Variants in DCAF4 observed in about 807,000 individuals in gnomAD.
DCAF4 encodes the protein DDB1 and CUL4 associated factor 4, also known as DDB1- and CUL4-associated factor 4.
In DCAF4, 37 loss-of-function variants were observed where a neutral mutation model predicts 60.9. That is an observed-to-expected ratio of 0.61 (90% CI 0.47 to 0.80). The LOEUF (loss-of-function observed/expected upper bound fraction) is 0.80. Ranked by LOEUF, DCAF4 falls within the 30% of genes least tolerant of loss-of-function variation. The pLI is 0.00. For missense variants in DCAF4, 577 were observed against 650.0 expected, an observed-to-expected ratio of 0.89 and a Z score of 1.22; for synonymous variants, 243 against 254.8, an observed-to-expected ratio of 0.95 and a Z score of 0.44.
intron 8 of DCAF4, among the ~76,000 whole-genome samples, chr14:72,947,472 G>A (rs1387975605): frequency 2.0e-5 from 3 of 152,244 alleles, no homozygotes; most frequent in Non-Finnish European, 2.9e-5. Flanking sequence ...TGCATGTGGT[G>A]GAGACAGAAT....
At chr14:72,944,128 A>T (rs1890413982) in intron 6 of DCAF4, among the ~76,000 whole-genome samples, 2 of 152,106 alleles carry the variant, frequency 1.3e-5, no homozygotes, top group South Asian at 4.2e-4. Context: ...TGCACAGGCC[A>T]CTGTTCACAA....
chr14:72,951,074 A>G (rs1202547464), intron 8 of DCAF4, among the ~76,000 whole-genome samples: 1 of 151,944 alleles, frequency 6.6e-6, no homozygotes, highest in Non-Finnish European at 1.5e-5. Flanking sequence ...TTGACTTCCA[A>G]GGCTCAAGCA....
In DCAF4 at chr14:72,954,444, G is replaced by A; in HGVS notation, c.966G>A (p.Gly322=). The change falls in exon 11 of 14, where the codon GGG becomes GGA. Residue 322 remains glycine, a synonymous_variant. Transcript: ENST00000358377. ...NVVTGHRQSF[G]TNSDVLAQQF... The stretch of plus-strand genomic sequence containing the variant: ...TGACGGGACACCGGCAGTCCTTTGG[G>A]ACCAACAGTGATGTCTTGGCCCAGC... 1 of 1,614,228 alleles carries A rather than the reference G, an allele frequency of 6.2e-7. No individual in the cohort carries two copies. Among genetic ancestry groups the A allele is most frequent in the South Asian group, 1.1e-5 (1 of 91,088 alleles).
chr14:72,947,274 G>T, intron 8 of DCAF4, 83 bp downstream of exon 8: 1 of 1,478,260 alleles, frequency 6.8e-7, no homozygotes, highest in East Asian at 2.3e-5. Context: ...TCATGACATG[G>T]CATCTTAGTG....
chr14:72,958,325 C>T (rs1198629658), intron 13 of DCAF4, among the ~76,000 whole-genome samples: 1 of 152,176 alleles, frequency 6.6e-6, no homozygotes, highest in Admixed American at 6.5e-5. Flanking sequence ...GGGCCACACT[C>T]GCACTTGAAC....
intron 1 of DCAF4, among the ~76,000 whole-genome samples, chr14:72,927,518 AT>A (rs1887765407): frequency 6.6e-6 from 1 of 151,620 alleles, no homozygotes; most frequent in South Asian, 2.1e-4. Context: ...CGCCCGGCTA[AT>A]TTTTTGTATT....
chr14:72,951,045 A>G (rs1253088061), intron 8 of DCAF4, among the ~76,000 whole-genome samples: 1 of 151,886 alleles, frequency 6.6e-6, no homozygotes, highest in African/African-American at 2.4e-5. Flanking sequence ...CGGTCACATG[A>G]TCACAGCTCA....
chr14:72,954,182 T>C lies in DCAF4; in HGVS notation c.827T>C (p.Met276Thr), dbSNP rs1650298188. Residue 276 changes from methionine to threonine, a missense_variant, in exon 10 of 14, where the codon ATG becomes ACG. Met to Thr is a moderately conservative substitution (Grantham distance 81, BLOSUM62 -1). Coordinates refer to ENST00000358377, the MANE Select transcript of DCAF4 (RefSeq NM_015604.4). ...NSHPGIDRPGMLCSFRIPGAW... is the reference protein window; with the variant it reads ...NSHPGIDRPGTLCSFRIPGAW... ...TTAGCAGGAATAGACCGGCCTGGCATGCTCTGCAGTTTCCGGATCCCTGGT... is the reference window on the plus strand; with the variant it reads ...TTAGCAGGAATAGACCGGCCTGGCACGCTCTGCAGTTTCCGGATCCCTGGT... 1 of 1,614,186 alleles carries C rather than the reference T, an allele frequency of 6.2e-7. No individual in the cohort carries two copies. The highest frequency in any genetic ancestry group is 8.5e-7 in the Non-Finnish European group (1 of 1,180,032).
At chr14:72,943,779 G>A (rs751319272) in intron 6 of DCAF4, among the ~76,000 whole-genome samples, 2 of 152,166 alleles carry the variant, frequency 1.3e-5, no homozygotes, top group Non-Finnish European at 2.9e-5. Flanking sequence ...TGGAGGCTGA[G>A]GGAAAGCCAG....
At chr14:72,945,161 G>A in intron 6 of DCAF4, among the ~76,000 whole-genome samples, 1 of 152,126 alleles carries the variant, frequency 6.6e-6, no homozygotes, top group East Asian at 1.9e-4. Context: ...GGGTGGCTGA[G>A]GCAGAAGGAT....
Position 72,939,881 on chromosome 14 carries a change from G to A in DCAF4, c.172G>A (p.Ala58Thr), listed in dbSNP as rs748881245. The change falls in exon 3 of 14, where the codon GCT becomes ACT. Residue 58 changes from alanine (A) to threonine (T), a missense_variant. Transcript: ENST00000358377. ...GTCTCCGTCAACCTCGTCTGGCACA[G>A]CTGGGACCTCCTCTGTGCCAGGTAA... ...DESPSTSSGT[A>T]GTSSVPELPG... 3 of 1,610,368 alleles carry A rather than the reference G, an allele frequency of 1.9e-6. No individual in the cohort carries two copies. The highest frequency in any genetic ancestry group is 2.5e-6 in the Non-Finnish European group (3 of 1,178,430).
chr14:72,938,369 G>A (rs17122607), intron 2 of DCAF4, among the ~76,000 whole-genome samples: 2,839 of 152,240 alleles, frequency 0.019, 32 homozygotes, highest in African/African-American at 0.035. Flanking sequence ...AGAGGTAGAC[G>A]TTATCTGAAA....
intron 6 of DCAF4, among the ~76,000 whole-genome samples, chr14:72,944,322 G>C (rs934895684): frequency 6.6e-6 from 1 of 152,140 alleles, no homozygotes; most frequent in Non-Finnish European, 1.5e-5. Context: ...ATTCTTCTGG[G>C]AACATAACTT....
At chr14:72,929,000 T>G (rs1441577264) in intron 1 of DCAF4, among the ~76,000 whole-genome samples, 1 of 152,216 alleles carries the variant, frequency 6.6e-6, no homozygotes, top group East Asian at 1.9e-4. Context: ...CCAGCCCCGA[T>G]GTGTGCGGGC....
At chr14:72,952,814 C>T (rs1211892923) in intron 9 of DCAF4, among the ~76,000 whole-genome samples, 2 of 149,946 alleles carry the variant, frequency 1.3e-5, no homozygotes, top group South Asian at 2.1e-4. Context: ...CCTGCCTCAG[C>T]CTCCCAAGTA....
intron 9 of DCAF4, among the ~76,000 whole-genome samples, chr14:72,953,726 A>ATATATATATATAT (rs1256128158): frequency 2.2e-5 from 1 of 45,848 alleles, no homozygotes; most frequent in African/African-American, 1.1e-4. Flanking sequence ...AAAAAAAAAA[A>ATATATATATATAT]AAAAAAATAT....
intron 13 of DCAF4, chr14:72,957,423 TGTTCTCA>T (rs1892453718): frequency 6.6e-6 from 1 of 152,256 alleles, no homozygotes; most frequent in South Asian, 2.1e-4. Context: ...CTGCAGAATG[TGTTCTCA>T]GTCTTCAAGA....
At position 72,953,220 on chromosome 14, in the gene DCAF4, G is replaced by A. The variant is rs1221734377; in HGVS notation, c.809-944G>A. Among the ~76,000 whole-genome samples, 7 of 150,178 alleles carry A rather than the reference G, an allele frequency of 4.7e-5. No homozygotes were observed. In the East Asian group the frequency reaches 6.0e-4, roughly 13 times the overall value. On this transcript the variant is annotated intron_variant, in intron 9 of 13. Transcript: ENST00000358377. ...TCTCCATGTTGGTCAGGCTGGTCTC[G>A]AACTCCCGACCTCAGGTGATCCACC...
Position 72,954,173 on chromosome 14 carries a change from G to A in DCAF4, c.818G>A (p.Arg273Gln), listed in dbSNP as rs751175811. The change falls in exon 10 of 14, where the codon CGG becomes CAG. Residue 273 changes from arginine to glutamine, a missense_variant. By Grantham distance (43) the Arg-to-Gln change is conservative. Transcript: ENST00000358377. ...LFVNSHPGID[R>Q]PGMLCSFRIP... The stretch of plus-strand genomic sequence containing the variant: ...CCTATCCCCTTAGCAGGAATAGACC[G>A]GCCTGGCATGCTCTGCAGTTTCCGG... 51 of 1,613,978 alleles carry A rather than the reference G, an allele frequency of 3.2e-5. 1 individual carries two copies. In the South Asian group the frequency reaches 4.1e-4, roughly 13 times the overall value.
Sources: gnomAD v4.1 joint callset for allele counts (sites outside exome capture counted in the v4.1 genomes callset) on GRCh38, gnomAD v4.1.1 for gene constraint, MANE v1.5 for transcripts, NCBI Gene and HGNC (gene_info 2026-07-23, HGNC 2026-07-21) for gene names.